The following SMAD2 variants were observed in gnomAD, a reference collection of about 807,000 sequenced individuals.
SMAD2 encodes the protein SMAD family member 2.
Under a neutral mutation model 64.4 loss-of-function variants are expected in SMAD2, and 8 were observed. The observed-to-expected ratio is 0.12, with a 90% CI of 0.07 to 0.22. SMAD2 has a LOEUF of 0.22. SMAD2 is among the 10% of genes least tolerant of loss of function. The pLI is 1.00. For synonymous variants in SMAD2, 203 were observed against 195.8 expected (o/e 1.04, Z -0.31); for missense variants, 289 against 561.2 (o/e 0.51, Z 4.90).
At chr18:47,913,801 G>A (rs1568111289) in intron 1 of SMAD2, among the ~76,000 whole-genome samples, 2 of 152,174 alleles carry the variant, frequency 1.3e-5, no homozygotes, top group Non-Finnish European at 2.9e-5. Flanking sequence ...CAATGGTGTG[G>A]CAGCAAGTTC....
intron 6 of SMAD2, among the ~76,000 whole-genome samples, chr18:47,858,048 A>C (rs1321031453): frequency 6.6e-6 from 1 of 152,164 alleles, no homozygotes; most frequent in East Asian, 1.9e-4. Flanking sequence ...AAATAGAGAA[A>C]AGAGTTGGTC....
chr18:47,919,184 T>C (rs2034455811), intron 1 of SMAD2, among the ~76,000 whole-genome samples: 1 of 152,120 alleles, frequency 6.6e-6, no homozygotes, highest in Non-Finnish European at 1.5e-5. Flanking sequence ...GCTTCGTAAT[T>C]CTGGGCTTCA....
intron 1 of SMAD2, among the ~76,000 whole-genome samples, chr18:47,927,059 C>T (rs557534265): frequency 7.2e-5 from 11 of 152,298 alleles, no homozygotes; most frequent in Admixed American, 2.6e-4. Context: ...TCCTGGGTCT[C>T]GGTTTAACTA....
chr18:47,865,150 C>A lies in SMAD2; in HGVS notation c.656-17G>T. 2.0e-6 allele frequency: 3 copies of A among 1,473,186 alleles called. No individual in the cohort carries two copies. The highest frequency in any genetic ancestry group is 2.9e-6 in the Non-Finnish European group (3 of 1,052,404). 91.3% of individuals were successfully genotyped at this position (1,473,186 alleles called of 1,614,324 possible). On this transcript the variant is annotated splice_polypyrimidine_tract_variant and intron_variant, in intron 5 of 10. Coordinates refer to ENST00000262160, the MANE Select transcript of SMAD2 (RefSeq NM_005901.6). ...GTGGCGTTTCTACAAAAGTTTAAAACAAATCAAGCACAGCTGCAACATAAT... is the reference window on the plus strand; with the variant it reads ...GTGGCGTTTCTACAAAAGTTTAAAAAAAATCAAGCACAGCTGCAACATAAT...
At chr18:47,841,998 G>A (rs2144277550) in intron 10 of SMAD2, 48 bp from the exon 11 acceptor site, 1 of 1,609,242 alleles carries the variant, frequency 6.2e-7, no homozygotes, top group East Asian at 2.2e-5. Context: ...AAGTCCACAG[G>A]CAGGGAAAAT....
At chr18:47,914,496 G>C (rs2034260942) in intron 1 of SMAD2, among the ~76,000 whole-genome samples, 1 of 152,160 alleles carries the variant, frequency 6.6e-6, no homozygotes, top group African/African-American at 2.4e-5. Context: ...ATCCCCTCTA[G>C]ATATTCTTAT....
At chr18:47,848,178 A>G (rs779903698) in intron 8 of SMAD2, among the ~76,000 whole-genome samples, 8 of 152,224 alleles carry the variant, frequency 5.3e-5, no homozygotes, top group Non-Finnish European at 1.0e-4. Context: ...CCCAAATCTG[A>G]ACATGGCAAT....
chr18:47,854,053 A>C (rs937590167), intron 6 of SMAD2, among the ~76,000 whole-genome samples: 2 of 151,644 alleles, frequency 1.3e-5, no homozygotes, highest in South Asian at 2.1e-4. Context: ...CAAATTTTAA[A>C]AACTTAAAAT....
chr18:47,929,983 G>A (rs1048399191), intron 1 of SMAD2, among the ~76,000 whole-genome samples: 2 of 151,540 alleles, frequency 1.3e-5, no homozygotes, highest in Non-Finnish European at 1.5e-5. Flanking sequence ...CAAAGGTTAC[G>A]AGACCAAAAA....
rs191474056 is a variant in SMAD2, at chr18:47,836,121, G to C, written c.*5706C>G. 69 of 217,976 alleles carry C rather than the reference G, an allele frequency of 3.2e-4. 2 individuals carry two copies. In the Admixed American group the frequency reaches 3.8e-3, roughly 12 times the overall value. The allele number at this position is 217,976 out of a possible 1,614,324, so 13.5% of individuals were successfully genotyped here. On this transcript the variant is annotated 3_prime_UTR_variant, in exon 11 of 11. Coordinates refer to ENST00000262160, the MANE Select transcript of SMAD2 (RefSeq NM_005901.6). The stretch of plus-strand genomic sequence containing the variant: ...ACCTGTGGGTCAAGGATGGCCCAGA[G>C]AATCTTGGAAAATCCATTTATATTG...
chr18:47,870,623 A>C, intron 2 of SMAD2, 59 bp from the exon 3 acceptor site: 1 of 1,038,886 alleles, frequency 9.6e-7, no homozygotes, highest in Non-Finnish European at 1.5e-6. Flanking sequence ...GTTATTCAAA[A>C]TACCATGATG....
rs929641590 is a variant in SMAD2, at chr18:47,816,225, A to G, written c.*25602T>C. ...GGAAGTGAGTTTGAGATAAAAAGGA[A>G]TTTATTTATTTGCACCTATGTATTG... On this transcript the variant is annotated 3_prime_UTR_variant, in exon 11 of 11. Coordinates refer to ENST00000262160, the MANE Select transcript of SMAD2 (RefSeq NM_005901.6). 2.6e-5 allele frequency: 4 copies of G among 152,190 alleles called. No homozygotes were observed. Among genetic ancestry groups the G allele is most frequent in the African/African-American group, 9.7e-5 (4 of 41,444 alleles). The allele number at this position is 152,190 out of a possible 1,614,324, so 9.4% of individuals were successfully genotyped here.
At chr18:47,923,962 T>G (rs1336924305) in intron 1 of SMAD2, among the ~76,000 whole-genome samples, 1 of 152,116 alleles carries the variant, frequency 6.6e-6, no homozygotes, top group Non-Finnish European at 1.5e-5. Flanking sequence ...CTATTAAGAA[T>G]TTTAGGCCGG....
At position 47,833,405 on chromosome 18, in the gene SMAD2, TA is replaced by T; in HGVS notation, c.*8421del. 1 of 223,992 alleles carries T rather than the reference TA, an allele frequency of 4.5e-6. No homozygotes were observed. Among genetic ancestry groups the T allele is most frequent in the Non-Finnish European group, 8.9e-6 (1 of 112,014 alleles). 13.9% of individuals were successfully genotyped at this position (223,992 alleles called of 1,614,324 possible). On this transcript the variant is annotated 3_prime_UTR_variant, in exon 11 of 11. Coordinates refer to ENST00000262160, the MANE Select transcript of SMAD2 (RefSeq NM_005901.6). ...AATAAAGCCTCAGCTCATTGTTTAA[TA>T]AAAATAAAAAAGGAACCACATCGTA...
At position 47,868,518 on chromosome 18, in the gene SMAD2, T is replaced by C. The variant is rs1598802649; in HGVS notation, c.521-61A>G. The stretch of plus-strand genomic sequence containing the variant: ...GAGCAAAGGGGAGTGGGGGAACCTT[T>C]TTTAAAGTTTTCAACAAGAAGAGAA... On this transcript the variant is annotated intron_variant, in intron 4 of 10. Transcript: ENST00000262160. 2.9e-6 allele frequency: 4 copies of C among 1,396,648 alleles called. No homozygotes were observed. The South Asian group carries it at 3.5e-5, about 12-fold the overall frequency. The allele number at this position is 1,396,648 out of a possible 1,614,324, so 86.5% of individuals were successfully genotyped here.
chr18:47,925,835 G>A (rs1016500971), intron 1 of SMAD2, among the ~76,000 whole-genome samples: 2 of 152,100 alleles, frequency 1.3e-5, no homozygotes, highest in African/African-American at 4.8e-5. Context: ...TACAAGAAAG[G>A]GGATCAAAAA....
intron 1 of SMAD2, among the ~76,000 whole-genome samples, chr18:47,906,319 G>A (rs543721078): frequency 5.3e-5 from 8 of 152,206 alleles, no homozygotes; most frequent in Non-Finnish European, 8.8e-5. Context: ...CGGGTCCCAA[G>A]CATTTTGGAT....
At chr18:47,883,403 AAAC>A (rs2032720958) in intron 2 of SMAD2, among the ~76,000 whole-genome samples, 2 of 152,200 alleles carry the variant, frequency 1.3e-5, no homozygotes, top group South Asian at 4.1e-4. Flanking sequence ...TGTGCCCTGT[AAAC>A]AGTCTTTCCT....
chr18:47,827,968 GC>G lies in SMAD2; in HGVS notation c.*13858del. The G allele has an allele frequency of 5.8e-6, 1 of 171,858 alleles. No individual in the cohort carries two copies. The highest frequency in any genetic ancestry group is 1.2e-5 in the Non-Finnish European group (1 of 82,126). The allele number at this position is 171,858 out of a possible 1,614,324, so 10.6% of individuals were successfully genotyped here. On this transcript the variant is annotated 3_prime_UTR_variant, in exon 11 of 11. Transcript: ENST00000262160. ...CGTCTGGGATGTGAGGAGCCCCTCA[GC>G]CCGGCCGCCCAGTCTGGGAAGTGAG...
Sources: allele counts gnomAD v4.1 joint callset (sites outside exome capture counted in the v4.1 genomes callset), GRCh38; gene constraint gnomAD v4.1.1; transcripts MANE v1.5; gene names NCBI Gene and HGNC (gene_info 2026-07-23, HGNC 2026-07-21).